The following FMNL2 variants were observed in gnomAD, a reference collection of about 807,000 sequenced individuals.
FMNL2 encodes the protein formin-like protein 2.
A neutral mutation model predicts 130.2 loss-of-function variants in FMNL2; 51 were observed. The observed-to-expected ratio is 0.39, with a 90% CI of 0.31 to 0.49. The LOEUF (loss-of-function observed/expected upper bound fraction) is 0.49, where lower values mean the gene tolerates loss of function less well. Among genes scored for constraint, FMNL2 ranks in the 20% least tolerant of loss-of-function variants. The pLI, the probability that FMNL2 is intolerant of heterozygous loss-of-function variation, is 0.85. For missense variants in FMNL2, 977 were observed against 1,316.2 expected, an observed-to-expected ratio of 0.74 and a Z score of 3.99; for synonymous variants, 465 against 467.1, an observed-to-expected ratio of 1.00 and a Z score of 0.06.
At chr2:152,589,330 CA>C (rs35777040) in intron 9 of FMNL2, among the ~76,000 whole-genome samples, 84,988 of 151,482 alleles carry the variant, frequency 0.56, 24,914 homozygotes, top group East Asian at 0.78. Context: ...AAAAAAACAA[CA>C]AAAAAAAACC....
chr2:152,403,590 CTACAGAAT>C (rs1373575959), intron 1 of FMNL2, among the ~76,000 whole-genome samples: 2 of 151,816 alleles, frequency 1.3e-5, no homozygotes, highest in African/African-American at 4.8e-5. Context: ...CTTTCTGGCA[CTACAGAAT>C]TCCTCTTTGA....
At chr2:152,533,668 A>G (rs999688474) in intron 2 of FMNL2, among the ~76,000 whole-genome samples, 4 of 151,642 alleles carry the variant, frequency 2.6e-5, no homozygotes, top group African/African-American at 9.7e-5. Flanking sequence ...GGAGTTTGGC[A>G]GAAGATGCAC....
At chr2:152,559,602 A>G (rs773549592) in intron 5 of FMNL2, among the ~76,000 whole-genome samples, 7 of 151,998 alleles carry the variant, frequency 4.6e-5, no homozygotes, top group Non-Finnish European at 8.8e-5. Flanking sequence ...ACCGCACCCA[A>G]CCTAGAAGCA....
At chr2:152,494,853 A>G (rs1401595852) in intron 1 of FMNL2, among the ~76,000 whole-genome samples, 2 of 152,188 alleles carry the variant, frequency 1.3e-5, no homozygotes, top group East Asian at 1.9e-4. Context: ...CTGAAATCTT[A>G]TCATCAGGAG....
At chr2:152,376,881 C>T (rs751912772) in intron 1 of FMNL2, among the ~76,000 whole-genome samples, 1 of 152,124 alleles carries the variant, frequency 6.6e-6, no homozygotes, top group Non-Finnish European at 1.5e-5. Flanking sequence ...TGGAGGTAAT[C>T]AGATCTTGGA....
intron 4 of FMNL2, among the ~76,000 whole-genome samples, chr2:152,556,161 T>C (rs913066322): frequency 8.5e-5 from 13 of 152,318 alleles, no homozygotes; most frequent in African/African-American, 2.6e-4. Context: ...AAATGGGGGC[T>C]CTTTTTTCAT....
At chr2:152,377,406 T>C (rs887393628) in intron 1 of FMNL2, among the ~76,000 whole-genome samples, 1 of 152,264 alleles carries the variant, frequency 6.6e-6, no homozygotes, top group Non-Finnish European at 1.5e-5. Flanking sequence ...TATCCTCTTT[T>C]AAAGAGTTCT....
At chr2:152,389,914 G>A in intron 1 of FMNL2, 1 of 1,046,956 alleles carries the variant, frequency 9.6e-7, no homozygotes, top group East Asian at 2.5e-5. Context: ...GGAGAAGGTG[G>A]AGCGGGTGGC....
At chr2:152,515,424 G>T (rs1692715271) in intron 1 of FMNL2, among the ~76,000 whole-genome samples, 1 of 151,948 alleles carries the variant, frequency 6.6e-6, no homozygotes, top group East Asian at 1.9e-4. Context: ...CAGTTTTTTG[G>T]CTCCAGTTTA....
intron 1 of FMNL2, among the ~76,000 whole-genome samples, chr2:152,400,623 GT>G (rs1685641174): frequency 6.6e-6 from 1 of 152,144 alleles, no homozygotes; most frequent in Non-Finnish European, 1.5e-5. Context: ...TGTGCAGTTT[GT>G]TTCCTTTATG....
intron 15 of FMNL2, chr2:152,620,902 A>G (rs1699216930): frequency 1.6e-5 from 16 of 981,538 alleles, no homozygotes; most frequent in Non-Finnish European, 1.9e-5. Context: ...TAAGGTCCAC[A>G]GTAAATCGGT....
intron 9 of FMNL2, among the ~76,000 whole-genome samples, chr2:152,587,481 C>T (rs1257929683): frequency 6.6e-6 from 1 of 152,182 alleles, no homozygotes; most frequent in Non-Finnish European, 1.5e-5. Context: ...CTTCTTTACT[C>T]AATCCAATAC....
chr2:152,600,681 G>A (rs1698002626), intron 9 of FMNL2, among the ~76,000 whole-genome samples: 1 of 151,924 alleles, frequency 6.6e-6, no homozygotes, highest in Non-Finnish European at 1.5e-5. Context: ...AAATGGTTTG[G>A]GACACTGTTC....
intron 1 of FMNL2, among the ~76,000 whole-genome samples, chr2:152,511,012 G>A (rs1397811136): frequency 6.6e-6 from 1 of 152,082 alleles, no homozygotes; most frequent in Admixed American, 6.5e-5. Flanking sequence ...TTAATCTTAG[G>A]ACATCATAAC....
At chr2:152,538,687 G>T (rs1478880682) in intron 2 of FMNL2, among the ~76,000 whole-genome samples, 1 of 152,146 alleles carries the variant, frequency 6.6e-6, no homozygotes, top group African/African-American at 2.4e-5. Context: ...CCTACATCCA[G>T]GGACCCAAAT....
chr2:152,515,464 TAA>T (rs1692716404), intron 1 of FMNL2, among the ~76,000 whole-genome samples: 1 of 152,228 alleles, frequency 6.6e-6, no homozygotes, highest in Admixed American at 6.5e-5. Flanking sequence ...ATACTTCAAT[TAA>T]AATGCCAGTA....
At chr2:152,441,682 C>A (rs900977237) in intron 1 of FMNL2, among the ~76,000 whole-genome samples, 1 of 151,742 alleles carries the variant, frequency 6.6e-6, no homozygotes, top group Non-Finnish European at 1.5e-5. Context: ...ACTAAAAATA[C>A]AAAATTAGTT....
chr2:152,390,050 C>T lies in FMNL2; in HGVS notation c.117+54330C>T, dbSNP rs977671719. The T allele has an allele frequency of 3.1e-5, 49 of 1,580,298 alleles. 1 individual carries two copies. The highest frequency in any genetic ancestry group is 2.7e-4 in the South Asian group (24 of 90,186). On this transcript the variant is annotated intron_variant, in intron 1 of 25. Transcript: ENST00000288670. ...AGAATCATGAGGCCCAGCTCAAGAA[C>T]GGCAGCCTTGACTCCCCAGGAAAGC...
intron 1 of FMNL2, among the ~76,000 whole-genome samples, chr2:152,499,208 G>A (rs775012521): frequency 5.9e-5 from 9 of 152,148 alleles, no homozygotes; most frequent in East Asian, 1.9e-4. Context: ...TCAATATTTC[G>A]AACCTCCTTT....
Sources: allele counts gnomAD v4.1 joint callset (sites outside exome capture counted in the v4.1 genomes callset), GRCh38; gene constraint gnomAD v4.1.1; transcripts MANE v1.5; gene names NCBI Gene and HGNC (gene_info 2026-07-23, HGNC 2026-07-21).